Variants in CCDC93 observed in about 807,000 individuals in gnomAD.
The protein encoded by CCDC93 is CCC complex scaffolding subunit CCDC93, also known as coiled-coil domain-containing protein 93.
In CCDC93, 61 loss-of-function variants were observed where a neutral mutation model predicts 108.2. That is an observed-to-expected ratio of 0.56 (90% CI 0.46 to 0.70). The LOEUF is 0.70. Among genes scored for constraint, CCDC93 ranks in the 30% least tolerant of loss-of-function variants. The probability of loss-of-function intolerance (pLI) is 0.00; values close to 1 mark genes in which losing one functional copy is unlikely to be tolerated. For missense variants in CCDC93, 685 were observed against 764.2 expected, an observed-to-expected ratio of 0.90 and a Z score of 1.22; for synonymous variants, 276 against 260.4, an observed-to-expected ratio of 1.06 and a Z score of -0.58.
chr2:117,955,217 T>C (rs775385958), intron 12 of CCDC93, among the ~76,000 whole-genome samples: 6 of 152,138 alleles, frequency 3.9e-5, no homozygotes, highest in Non-Finnish European at 8.8e-5. Context: ...TACTGACAGA[T>C]AGATGTCTGT....
intron 19 of CCDC93, among the ~76,000 whole-genome samples, chr2:117,940,039 A>G (rs569002647): frequency 1.9e-4 from 29 of 152,324 alleles, no homozygotes; most frequent in Admixed American, 1.8e-3. Flanking sequence ...TATATGTTGA[A>G]AGAGATCTAA....
chr2:118,008,584 A>G lies in CCDC93; in HGVS notation c.117T>C (p.Tyr39=). 1.2e-6 allele frequency: 2 copies of G among 1,613,572 alleles called. No homozygotes were observed. The highest frequency in any genetic ancestry group is 1.7e-6 in the Non-Finnish European group (2 of 1,179,484). ...ATAAGCCTTTAATTCTTGCCCTGAA[A>G]TACCCAGCTGCAACCAAGAGCTCCA... ...EILELLVAAG[Y]FRARIKGLSP... The change falls in exon 2 of 24, where the codon TAT becomes TAC. Residue 39 remains tyrosine, a synonymous_variant. Coordinates refer to ENST00000376300, the MANE Select transcript of CCDC93 (RefSeq NM_019044.5).
chr2:117,955,412 G>GTT (rs1553454053), intron 12 of CCDC93, among the ~76,000 whole-genome samples: 21 of 152,128 alleles, frequency 1.4e-4, no homozygotes, highest in African/African-American at 5.1e-4. Flanking sequence ...ACAGGTAGAA[G>GTT]TAAATTGATA....
chr2:117,923,939 G>C (rs1178597364), intron 23 of CCDC93, among the ~76,000 whole-genome samples: 1 of 152,196 alleles, frequency 6.6e-6, no homozygotes, highest in Non-Finnish European at 1.5e-5. Context: ...AACTTCCAGA[G>C]GAATGATCAG....
chr2:117,923,224 T>A (rs1677942503), intron 23 of CCDC93, among the ~76,000 whole-genome samples: 1 of 152,140 alleles, frequency 6.6e-6, no homozygotes, highest in Admixed American at 6.5e-5. Flanking sequence ...CATTTCCAAC[T>A]GAGGTACCGG....
chr2:117,963,733 C>T (rs906887096), intron 11 of CCDC93, among the ~76,000 whole-genome samples: 1 of 152,208 alleles, frequency 6.6e-6, no homozygotes, highest in Non-Finnish European at 1.5e-5. Context: ...CCATACACTA[C>T]TGTCAGGTCA....
At chr2:117,986,458 G>A (rs1453344199) in intron 6 of CCDC93, among the ~76,000 whole-genome samples, 2 of 151,998 alleles carry the variant, frequency 1.3e-5, no homozygotes, top group Non-Finnish European at 2.9e-5. Context: ...TCAGGTCTCC[G>A]GGTGCAGGTA....
At chr2:117,956,840 A>G (rs1679233346) in intron 12 of CCDC93, among the ~76,000 whole-genome samples, 1 of 152,170 alleles carries the variant, frequency 6.6e-6, no homozygotes, top group Non-Finnish European at 1.5e-5. Context: ...TACCTTTTAA[A>G]TATGTGGGAC....
At position 117,950,762 on chromosome 2, in the gene CCDC93, T is replaced by C. The variant is rs1307753451; in HGVS notation, c.1069-1367A>G. The stretch of plus-strand genomic sequence containing the variant: ...AGAAGTTGTTCAGTACTAGGTTTTA[T>C]ACAGCTTCCCATTTTTCTAGATGGG... On this transcript the variant is annotated intron_variant, in intron 13 of 23. Coordinates refer to ENST00000376300, the MANE Select transcript of CCDC93 (RefSeq NM_019044.5). The C allele has an allele frequency of 3.0e-6, 3 of 985,330 alleles. No homozygotes were observed. In the African/African-American group the frequency reaches 5.2e-5, roughly 17 times the overall value. The allele number at this position is 985,330 out of a possible 1,614,324, so 61.0% of individuals were successfully genotyped here. A position where few individuals can be genotyped will look rare whatever the true frequency, so the allele number is the denominator to read the frequency against.
chr2:117,949,703 A>C, intron 13 of CCDC93: 1 of 955,460 alleles, frequency 1.0e-6, no homozygotes. Context: ...TTATTCAAAA[A>C]TTAAAAAAAA....
rs1169145371 is a variant in CCDC93 at position 117,973,946 on chromosome 2, C to A, written c.850G>T (p.Ala284Ser). The change falls in exon 11 of 24, where the codon GCT becomes TCT. Residue 284 changes from alanine to serine, a missense_variant. Ala to Ser is a moderately conservative substitution (Grantham distance 99, BLOSUM62 1). Transcript: ENST00000376300. ...TCGGACACAATCTGCTTGATCTCAG[C>A]AGAGCAGAGTCCCACAATCTGGCCC... ...SVGQIVGLCS[A>S]EIKQIVSEYA... The A allele has an allele frequency of 4.3e-6, 7 of 1,612,410 alleles. No homozygotes were observed. Among genetic ancestry groups the A allele is most frequent in the South Asian group, 1.1e-5 (1 of 90,612 alleles).
chr2:117,925,716 G>A (rs1395845333), intron 23 of CCDC93, among the ~76,000 whole-genome samples: 1 of 152,140 alleles, frequency 6.6e-6, no homozygotes, highest in African/African-American at 2.4e-5. Context: ...CAACAAGACA[G>A]AAAGATAACA....
Position 117,944,089 on chromosome 2 carries a change from A to T in CCDC93, c.1351-3T>A, listed in dbSNP as rs761610327. ...TTATACCGTCTGTCTAGGTCTTCCT[A>T]AAAATTGGAAAAGGCTGTAATTATC... On this transcript the variant is annotated splice_region_variant and splice_polypyrimidine_tract_variant and intron_variant, in intron 17 of 23. Transcript: ENST00000376300. 1.3e-6 allele frequency: 2 copies of T among 1,585,594 alleles called. No individual in the cohort carries two copies. Among genetic ancestry groups the T allele is most frequent in the Non-Finnish European group, 1.7e-6 (2 of 1,169,486 alleles).
At chr2:117,927,305 A>T (rs912184614) in intron 23 of CCDC93, among the ~76,000 whole-genome samples, 2 of 152,148 alleles carry the variant, frequency 1.3e-5, no homozygotes, top group Non-Finnish European at 2.9e-5. Flanking sequence ...AAGGGTATTC[A>T]ATTAGGAAAA....
intron 11 of CCDC93, among the ~76,000 whole-genome samples, chr2:117,965,393 G>A (rs1301307811): frequency 6.6e-6 from 1 of 152,056 alleles, no homozygotes; most frequent in Non-Finnish European, 1.5e-5. Context: ...AAGCAGTCGG[G>A]GTCCCCGGGC....
rs536545382 is a variant in CCDC93, at chr2:118,000,554, A to C, written c.363+267T>G. Among the ~76,000 whole-genome samples, 6 of 152,324 alleles carry C rather than the reference A, an allele frequency of 3.9e-5. No homozygotes were observed. The South Asian group carries it at 1.2e-3, about 32-fold the overall frequency. ...GGGAACAGAGCATACCAGGCTACAG[A>C]GTTCTGTTTTTACCAAAAAGGCAAT... On this transcript the variant is annotated intron_variant, in intron 4 of 23. Transcript: ENST00000376300.
chr2:117,985,829 G>T, intron 7 of CCDC93, 140 bp downstream of exon 7: 1 of 580,200 alleles, frequency 1.7e-6, no homozygotes. Context: ...CATTACCAGA[G>T]AAAAGTCCCT....
At chr2:117,929,302 C>T (rs369911877) in intron 23 of CCDC93, among the ~76,000 whole-genome samples, 1 of 152,188 alleles carries the variant, frequency 6.6e-6, no homozygotes, top group South Asian at 2.1e-4. Context: ...TCCCCTCCCC[C>T]TCTTCTGACT....
intron 23 of CCDC93, among the ~76,000 whole-genome samples, chr2:117,926,994 T>C (rs1401914185): frequency 6.6e-6 from 1 of 152,076 alleles, no homozygotes; most frequent in East Asian, 1.9e-4. Context: ...TAATCCAGCA[T>C]ATAAACAGAA....
Sources: allele counts gnomAD v4.1 joint callset (sites outside exome capture counted in the v4.1 genomes callset), GRCh38; gene constraint gnomAD v4.1.1; transcripts MANE v1.5; gene names NCBI Gene and HGNC (gene_info 2026-07-23, HGNC 2026-07-21).